Variants in P2RY8 observed in about 807,000 individuals in gnomAD.
P2RY8 encodes S-geranylgeranyl-glutathione receptor P2RY8.
In P2RY8, 6 loss-of-function variants were observed where a neutral mutation model predicts 10.0. That is an observed-to-expected ratio of 0.60 (90% CI 0.33 to 1.19). The LOEUF (loss-of-function observed/expected upper bound fraction) is 1.19. Among genes scored for constraint, P2RY8 ranks in the 50% most tolerant of loss-of-function variants. P2RY8 has a pLI of 0.04. For missense variants in P2RY8, 456 were observed against 542.0 expected (o/e 0.84, Z 1.58); for synonymous variants, 276 against 252.5 (o/e 1.09, Z -0.88).
intron 1 of P2RY8, among the ~76,000 whole-genome samples, chrX:1,522,457 C>T (rs1422812733): frequency 1.3e-5 from 2 of 152,144 alleles, no homozygotes; most frequent in Non-Finnish European, 2.9e-5. Context: ...GGCTCGGAAT[C>T]GTCGTGCACG....
At chrX:1,507,568 C>T (rs1424416365) in intron 1 of P2RY8, among the ~76,000 whole-genome samples, 8 of 152,170 alleles carry the variant, frequency 5.3e-5, no homozygotes, top group Non-Finnish European at 1.2e-4. Flanking sequence ...TGGCGACATA[C>T]CTGTTGTGTG....
chrX:1,524,148 T>A (rs1603458548), intron 1 of P2RY8, among the ~76,000 whole-genome samples: 1 of 152,266 alleles, frequency 6.6e-6, no homozygotes, highest in African/African-American at 2.4e-5. Context: ...AATGTAGCGA[T>A]GGGGTAGAAT....
In P2RY8 at chrX:1,464,351, C is replaced by T; in HGVS notation, c.*1128G>A. On this transcript the variant is annotated 3_prime_UTR_variant, in exon 2 of 2. Coordinates refer to ENST00000381297, the MANE Select transcript of P2RY8 (RefSeq NM_178129.5). ...GACAAAGACCCAGCCTGCTCACCACCCACACAGCAGGGAGGGGGCTCAGCG... is the reference window on the plus strand; with the variant it reads ...GACAAAGACCCAGCCTGCTCACCACTCACACAGCAGGGAGGGGGCTCAGCG... The T allele has an allele frequency of 4.3e-6, 1 of 233,606 alleles. No homozygotes were observed. Among genetic ancestry groups the T allele is most frequent in the East Asian group, 6.0e-5 (1 of 16,596 alleles). The allele number at this position is 233,606 out of a possible 1,614,324, so 14.5% of individuals were successfully genotyped here.
At chrX:1,509,306 C>T (rs1371211491) in intron 1 of P2RY8, among the ~76,000 whole-genome samples, 2 of 148,470 alleles carry the variant, frequency 1.3e-5, no homozygotes. Context: ...TCCATCTATT[C>T]ATCCATCTAT....
intron 1 of P2RY8, among the ~76,000 whole-genome samples, chrX:1,517,156 C>T (rs1234719656): frequency 4.0e-5 from 6 of 150,882 alleles, no homozygotes; most frequent in African/African-American, 1.5e-4. Context: ...GAATCAATGT[C>T]TCTTGTTTCT....
chrX:1,472,445 T>TCAGTGTTTAGATA, intron 1 of P2RY8, among the ~76,000 whole-genome samples: 1 of 121,720 alleles, frequency 8.2e-6, no homozygotes, highest in African/African-American at 3.2e-5. Flanking sequence ...GATGGATGGA[T>TCAGTGTTTAGATA]GGGTGGGTGA....
In P2RY8 at chrX:1,504,708, C is replaced by T. The variant is rs181876483; in HGVS notation, c.-25+32213G>A. 1.1e-3 allele frequency among the ~76,000 whole-genome samples: 167 copies of T among 151,636 alleles called. 2 individuals carry two copies. The East Asian group carries it at 0.025, about 23-fold the overall frequency. Reference sequence around the variant, plus strand: ...CTCTACTAAAAATACAAAATTAGGTCGGGTGTTGTGGCTCACGCCTGTAAT... The same window carrying T: ...CTCTACTAAAAATACAAAATTAGGTTGGGTGTTGTGGCTCACGCCTGTAAT... On this transcript the variant is annotated intron_variant, in intron 1 of 1. Coordinates refer to ENST00000381297, the MANE Select transcript of P2RY8 (RefSeq NM_178129.5).
At chrX:1,524,161 G>A (rs1341830937) in intron 1 of P2RY8, among the ~76,000 whole-genome samples, 3 of 152,058 alleles carry the variant, frequency 2.0e-5, no homozygotes, top group African/African-American at 7.2e-5. Context: ...GGTAGAATTG[G>A]GTCTTGTACT....
intron 1 of P2RY8, among the ~76,000 whole-genome samples, chrX:1,524,713 CCATT>C (rs2092425357): frequency 1.0e-5 from 1 of 99,556 alleles, no homozygotes; most frequent in Non-Finnish European, 2.2e-5. Context: ...ATCCACTCAT[CCATT>C]CATCCATCCA....
Position 1,520,622 on chromosome X carries a change from C to A in P2RY8, c.-25+16299G>T, listed in dbSNP as rs186510677. Among the ~76,000 whole-genome samples the A allele has an allele frequency of 2.5e-3, 379 of 151,540 alleles. 1 individual carries two copies. The highest frequency in any genetic ancestry group is 9.0e-3 in the African/African-American group (370 of 41,272). On this transcript the variant is annotated intron_variant, in intron 1 of 1. Coordinates refer to ENST00000381297, the MANE Select transcript of P2RY8 (RefSeq NM_178129.5). Reference sequence around the variant, plus strand: ...ATTTCTCTGGTCCCCAATCCTCTCCCTGATCCCCAATAATCTCTCTGATCC... The same window carrying A: ...ATTTCTCTGGTCCCCAATCCTCTCCATGATCCCCAATAATCTCTCTGATCC...
chrX:1,509,781 C>CTATT (rs1204139625), intron 1 of P2RY8, among the ~76,000 whole-genome samples: 5 of 96,150 alleles, frequency 5.2e-5, no homozygotes, highest in Non-Finnish European at 8.5e-5. Context: ...ATCTATCTAT[C>CTATT]ATCTATGTAT....
At chrX:1,493,006 G>C (rs754961385) in intron 1 of P2RY8, among the ~76,000 whole-genome samples, 2 of 151,908 alleles carry the variant, frequency 1.3e-5, no homozygotes, top group East Asian at 3.9e-4. Context: ...CCTGTCTCAC[G>C]AAGTTTCGAA....
chrX:1,514,733 TTCCCTTCC>T (rs2092329820), intron 1 of P2RY8, among the ~76,000 whole-genome samples: 1 of 10,110 alleles, frequency 9.9e-5, no homozygotes. Flanking sequence ...CTTCCCTTCC[TTCCCTTCC>T]TTCCCTTCCT....
At chrX:1,508,704 T>TCTATTCTA (rs1201683452) in intron 1 of P2RY8, among the ~76,000 whole-genome samples, 2 of 111,974 alleles carry the variant, frequency 1.8e-5, no homozygotes, top group African/African-American at 3.4e-5. Flanking sequence ...CATCCATCCA[T>TCTATTCTA]TCTATCTATC....
intron 1 of P2RY8, among the ~76,000 whole-genome samples, chrX:1,488,040 G>T (rs746042976): frequency 8.5e-5 from 13 of 152,216 alleles, no homozygotes; most frequent in Admixed American, 5.2e-4. Context: ...AACCTGGGAG[G>T]TGGAGGTTGC....
At chrX:1,533,759 A>C (rs2092500732) in intron 1 of P2RY8, among the ~76,000 whole-genome samples, 1 of 124,064 alleles carries the variant, frequency 8.1e-6, no homozygotes, top group South Asian at 2.7e-4. Flanking sequence ...TTATTTATAT[A>C]TTATATACTT....
chrX:1,512,318 G>T (rs1158421674), intron 1 of P2RY8, among the ~76,000 whole-genome samples: 1 of 152,030 alleles, frequency 6.6e-6, no homozygotes, highest in Non-Finnish European at 1.5e-5. Context: ...AGGCCGAGGT[G>T]GGTGGATCAC....
chrX:1,515,800 G>A (rs1432517096), intron 1 of P2RY8, among the ~76,000 whole-genome samples: 1 of 152,066 alleles, frequency 6.6e-6, no homozygotes, highest in African/African-American at 2.4e-5. Context: ...ATGCTGTCAG[G>A]AGGTGAGAGC....
chrX:1,499,766 A>G (rs2092156080), intron 1 of P2RY8, among the ~76,000 whole-genome samples: 1 of 152,192 alleles, frequency 6.6e-6, no homozygotes, highest in Non-Finnish European at 1.5e-5. Context: ...AGCCGTAAGT[A>G]ACTTGGGAAC....
Sources: gnomAD v4.1 joint callset for allele counts (sites outside exome capture counted in the v4.1 genomes callset) on GRCh38, gnomAD v4.1.1 for gene constraint, MANE v1.5 for transcripts, NCBI Gene and HGNC (gene_info 2026-07-23, HGNC 2026-07-21) for gene names.